Variants in ADAM22 observed in about 807,000 individuals in gnomAD.
The protein encoded by ADAM22 is ADAM metallopeptidase domain 22, also known as disintegrin and metalloproteinase domain-containing protein 22.
ADAM22 carries 65 observed loss-of-function variants against 144.6 expected under a neutral mutation model. The ratio of observed to expected loss-of-function variants is 0.45; its 90% CI spans 0.37 to 0.55. The LOEUF (loss-of-function observed/expected upper bound fraction) is 0.55. Among genes scored for constraint, ADAM22 ranks in the 20% least tolerant of loss-of-function variants. The pLI, the probability that ADAM22 is intolerant of heterozygous loss-of-function variation, is 0.00. For missense variants in ADAM22, 974 were observed against 1,184.9 expected, an observed-to-expected ratio of 0.82 and a Z score of 2.61; for synonymous variants, 391 against 412.6, an observed-to-expected ratio of 0.95 and a Z score of 0.63.
At chr7:88,000,657 A>G (rs1792329097) in intron 3 of ADAM22, among the ~76,000 whole-genome samples, 1 of 152,154 alleles carries the variant, frequency 6.6e-6, no homozygotes, top group African/African-American at 2.4e-5. Flanking sequence ...GACCAACTTT[A>G]TGGTTCAACA....
intron 22 of ADAM22, among the ~76,000 whole-genome samples, chr7:88,158,643 G>A (rs757647169): frequency 3.3e-5 from 5 of 151,932 alleles, no homozygotes; most frequent in Non-Finnish European, 5.9e-5. Flanking sequence ...TAAGCAACCT[G>A]GTCCTGAAAT....
Position 88,165,942 on chromosome 7 carries a change from C to A in ADAM22, c.2187C>A (p.Gly729=). ...CAAAGACTGGTATCACTCTGTCTGG[C>A]AATGGTAAGTACTTAATTTGGTAAC... ...DDAKTGITLS[G]NGVAGTNIII... Residue 729 remains glycine (G), a synonymous_variant, in exon 24 of 32, where the codon GGC becomes GGA. Transcript: ENST00000413139. The A allele has an allele frequency of 6.2e-7, 1 of 1,605,196 alleles. No homozygotes were observed. Among genetic ancestry groups the A allele is most frequent in the Admixed American group, 1.7e-5 (1 of 58,804 alleles).
At chr7:88,027,615 T>C (rs1388125955) in intron 3 of ADAM22, among the ~76,000 whole-genome samples, 1 of 152,170 alleles carries the variant, frequency 6.6e-6, no homozygotes, top group African/African-American at 2.4e-5. Flanking sequence ...TGGCTAAAGA[T>C]TTGTCAATTT....
chr7:87,964,675 C>T (rs1268045531), intron 2 of ADAM22: 1 of 427,106 alleles, frequency 2.3e-6, no homozygotes. Context: ...AGACCATATA[C>T]CAGATACAGG....
At chr7:88,195,486 C>G (rs535931958) in intron 31 of ADAM22, among the ~76,000 whole-genome samples, 69 of 152,208 alleles carry the variant, frequency 4.5e-4, no homozygotes, top group Non-Finnish European at 8.1e-4. Flanking sequence ...GATACCTCAG[C>G]TTGTGAGAGA....
chr7:88,081,977 GA>G (rs1251316924), intron 4 of ADAM22, among the ~76,000 whole-genome samples: 1 of 151,972 alleles, frequency 6.6e-6, no homozygotes, highest in South Asian at 2.1e-4. Context: ...CACAGAATTG[GA>G]AAAAACTACT....
At chr7:88,032,175 C>G (rs775595437) in intron 3 of ADAM22, among the ~76,000 whole-genome samples, 1 of 152,186 alleles carries the variant, frequency 6.6e-6, no homozygotes, top group Non-Finnish European at 1.5e-5. Context: ...AATGATAGAT[C>G]CACTGACAAC....
In ADAM22 at chr7:87,934,304, G is replaced by T; in HGVS notation, c.-162G>T. On this transcript the variant is annotated 5_prime_UTR_variant, in exon 1 of 32. The change abolishes the stop of an existing upstream ORF in the 5' untranslated region. Coordinates refer to ENST00000413139, the MANE Select transcript of ADAM22 (RefSeq NM_001324418.2). Reference sequence around the variant, plus strand: ...CGTCCGCGAAGCACAATGCAGCACTGAGCCGCGGTGGAGGTTGCAGCGCCA... The same window carrying T: ...CGTCCGCGAAGCACAATGCAGCACTTAGCCGCGGTGGAGGTTGCAGCGCCA... 1 of 608,136 alleles carries T rather than the reference G, an allele frequency of 1.6e-6. No homozygotes were observed. Among genetic ancestry groups the T allele is most frequent in the Non-Finnish European group, 2.7e-6 (1 of 364,488 alleles). The allele number at this position is 608,136 out of a possible 1,614,324, so 37.7% of individuals were successfully genotyped here.
intron 3 of ADAM22, among the ~76,000 whole-genome samples, chr7:88,047,475 C>T (rs1585235877): frequency 6.6e-6 from 1 of 152,090 alleles, no homozygotes; most frequent in East Asian, 1.9e-4. Flanking sequence ...CTCAATGATA[C>T]ATTGGGATTT....
At chr7:87,946,428 C>T (rs1275382198) in intron 2 of ADAM22, among the ~76,000 whole-genome samples, 1 of 152,108 alleles carries the variant, frequency 6.6e-6, no homozygotes, top group Non-Finnish European at 1.5e-5. Context: ...TTTGAGGACT[C>T]GGTCATAAAT....
intron 23 of ADAM22, among the ~76,000 whole-genome samples, chr7:88,165,501 A>G (rs1842744226): frequency 6.6e-6 from 1 of 152,150 alleles, no homozygotes; most frequent in Non-Finnish European, 1.5e-5. Context: ...TAATTGACAG[A>G]TGATTATATT....
At chr7:88,091,457 T>C (rs1250291300) in intron 4 of ADAM22, among the ~76,000 whole-genome samples, 5 of 152,200 alleles carry the variant, frequency 3.3e-5, no homozygotes, top group Non-Finnish European at 7.4e-5. Context: ...AATCCTATGA[T>C]ATTCAGATGA....
intron 30 of ADAM22, 119 bp downstream of exon 30, chr7:88,186,820 G>A: frequency 1.6e-6 from 1 of 640,760 alleles, no homozygotes; most frequent in Admixed American, 3.0e-5. Flanking sequence ...GTGGAAAGGG[G>A]TCCTTGTTTA....
intron 7 of ADAM22, among the ~76,000 whole-genome samples, chr7:88,121,631 C>A (rs1282057655): frequency 6.6e-6 from 1 of 152,076 alleles, no homozygotes; most frequent in African/African-American, 2.4e-5. Flanking sequence ...GGCCTCAGTA[C>A]CTCACCACAT....
In ADAM22 at chr7:88,196,528, T is replaced by C; in HGVS notation, c.*37T>C. Reference sequence around the variant, plus strand: ...TACATGTGATACATCGAAAACTGTTTACTTCAACTTTTATAGAAACCCAGG... The same window carrying C: ...TACATGTGATACATCGAAAACTGTTCACTTCAACTTTTATAGAAACCCAGG... On this transcript the variant is annotated 3_prime_UTR_variant, in exon 32 of 32. Coordinates refer to ENST00000413139, the MANE Select transcript of ADAM22 (RefSeq NM_001324418.2). The C allele has an allele frequency of 1.2e-6, 2 of 1,610,376 alleles. No individual in the cohort carries two copies. Among genetic ancestry groups the C allele is most frequent in the Non-Finnish European group, 1.7e-6 (2 of 1,176,838 alleles).
At chr7:88,116,649 A>G in intron 6 of ADAM22, 96 bp from the exon 7 acceptor site, 1 of 966,948 alleles carries the variant, frequency 1.0e-6, no homozygotes, top group South Asian at 1.5e-5. Flanking sequence ...TGCATAGGCA[A>G]GCTGTGGTTC....
chr7:88,143,036 C>G lies in ADAM22; in HGVS notation c.1231C>G (p.Pro411Ala). 1 of 1,605,250 alleles carries G rather than the reference C, an allele frequency of 6.2e-7. No individual in the cohort carries two copies. The highest frequency in any genetic ancestry group is 1.1e-5 in the South Asian group (1 of 90,112). The change falls in exon 15 of 32, where the codon CCT (proline) becomes GCT (alanine). Residue 411 changes from proline (P) to alanine (A), a missense_variant. Pro to Ala is a conservative substitution (Grantham distance 27). This residue lies in a region of ADAM22 where 734 missense variants were observed against 950.6 expected (regional missense o/e 0.77). Coordinates refer to ENST00000413139, the MANE Select transcript of ADAM22 (RefSeq NM_001324418.2). The part of the protein sequence containing the change: ...CIMGDTGYYL[P>A]KKFTQCNIEE... ...TCTTCTCTTTTATAGCTATTATCTTCCTAAAAAGTTCACCCAGTGTAATAT... is the reference window on the plus strand; with the variant it reads ...TCTTCTCTTTTATAGCTATTATCTTGCTAAAAAGTTCACCCAGTGTAATAT...
chr7:88,083,585 GTT>G (rs1491186366), intron 4 of ADAM22, among the ~76,000 whole-genome samples: 9 of 105,634 alleles, frequency 8.5e-5, no homozygotes, highest in South Asian at 7.3e-4. Flanking sequence ...TTTACTTTGT[GTT>G]TGTGTGTGTG....
chr7:88,149,418 A>G (rs1724629601), intron 18 of ADAM22, among the ~76,000 whole-genome samples: 1 of 152,166 alleles, frequency 6.6e-6, no homozygotes. Flanking sequence ...AACACACTGG[A>G]TTCTTAGAGA....
Sources: gnomAD v4.1 joint callset for allele counts (sites outside exome capture counted in the v4.1 genomes callset) on GRCh38, gnomAD v4.1.1 for gene constraint, gnomAD v4.1.1 regional missense constraint, MANE v1.5 for transcripts, NCBI Gene and HGNC (gene_info 2026-07-23, HGNC 2026-07-21) for gene names.